The following AVEN variants were observed in gnomAD, a reference collection of about 807,000 sequenced individuals.
The protein encoded by AVEN is cell death regulator Aven.
AVEN carries 41 observed loss-of-function variants against 38.1 expected under a neutral mutation model. The ratio of observed to expected loss-of-function variants is 1.08; its 90% CI spans 0.84 to 1.40. The LOEUF is 1.40. Among genes scored for constraint, AVEN ranks in the 40% most tolerant of loss-of-function variants. The probability of loss-of-function intolerance (pLI) is 0.00; values close to 1 mark genes in which losing one functional copy is unlikely to be tolerated. For missense variants in AVEN, 605 were observed against 438.8 expected (o/e 1.38, Z -3.38); for synonymous variants, 206 against 171.8 (o/e 1.20, Z -1.56).
chr15:33,879,147 C>A (rs1229027775), intron 2 of AVEN, among the ~76,000 whole-genome samples: 2 of 151,594 alleles, frequency 1.3e-5, no homozygotes, highest in Non-Finnish European at 2.9e-5. Flanking sequence ...GACTTGGAAC[C>A]AACCCAAATG....
chr15:33,859,987 TACTCCTC>T (rs2080158516), intron 11 of AVEN, among the ~76,000 whole-genome samples: 1 of 152,150 alleles, frequency 6.6e-6, no homozygotes, highest in South Asian at 2.1e-4. Context: ...CTGAATTATT[TACTCCTC>T]ACTTCTGCTT....
chr15:33,974,734 A>T (rs1895806719), intron 2 of AVEN, among the ~76,000 whole-genome samples: 1 of 152,172 alleles, frequency 6.6e-6, no homozygotes, highest in African/African-American at 2.4e-5. Context: ...GCACTTTGGG[A>T]GGCCGAGGCA....
At chr15:33,887,994 C>G (rs1043228475) in intron 2 of AVEN, among the ~76,000 whole-genome samples, 1 of 152,028 alleles carries the variant, frequency 6.6e-6, no homozygotes, top group African/African-American at 2.4e-5. Flanking sequence ...TCAGGGAGAG[C>G]AGATGAGAAA....
chr15:34,063,566 G>T lies in AVEN; in HGVS notation n.1127-134C>A. On this transcript the variant is annotated intron_variant and non_coding_transcript_variant, in intron 4 of 11. Transcript: ENST00000675287. This position sits in a 1 kb window ranked among gnomAD's most constrained non-coding sequence, Gnocchi z 4.1. ...GCAGGAGCACCTCCACCACTGGGAA[G>T]CCATCCCAAGCCACTGGCCCAAGCG... is the stretch of plus-strand genomic sequence containing the variant. 6.2e-7 allele frequency: 1 copy of T among 1,613,634 alleles called. No homozygotes were observed. The highest frequency in any genetic ancestry group is 8.5e-7 in the Non-Finnish European group (1 of 1,180,018).
At position 33,997,230 on chromosome 15, in the gene AVEN, C is replaced by T. The variant is rs547715301; in HGVS notation, c.445+5802G>A. Among the ~76,000 whole-genome samples the T allele has an allele frequency of 3.9e-5, 6 of 152,242 alleles. No individual in the cohort carries two copies. In the East Asian group the frequency reaches 1.2e-3, roughly 29 times the overall value. On this transcript the variant is annotated intron_variant, in intron 2 of 5. Coordinates refer to ENST00000306730, the MANE Select transcript of AVEN (RefSeq NM_020371.3). ...AAATTTAAAACAATGCACTGAAAGACACACTATAGAAGTGAATCTCATATC... is the reference window on the plus strand; with the variant it reads ...AAATTTAAAACAATGCACTGAAAGATACACTATAGAAGTGAATCTCATATC...
At chr15:34,059,114 C>G (rs1900252863) in intron 5 of AVEN, among the ~76,000 whole-genome samples, 1 of 152,066 alleles carries the variant, frequency 6.6e-6, no homozygotes, top group East Asian at 1.9e-4. Flanking sequence ...CCAGGCTGGT[C>G]TCGAATTCCT....
downstream of AVEN, among the ~76,000 whole-genome samples, chr15:33,862,591 GATGAGTTTAAGTCAAAAAC>G (rs1297804455): frequency 2.6e-5 from 4 of 152,132 alleles, no homozygotes; most frequent in Non-Finnish European, 4.4e-5. Context: ...TTTGCTGGGG[GATGAGTTTAAGTCAAAAAC>G]ATGAGTTTTG....
chr15:33,970,548 A>G (rs1303607363), intron 2 of AVEN, among the ~76,000 whole-genome samples: 1 of 151,984 alleles, frequency 6.6e-6, no homozygotes, highest in Non-Finnish European at 1.5e-5. Context: ...TGAACCCTTA[A>G]GGGTTCTTTT....
At chr15:33,910,053 G>A (rs539408032) in intron 2 of AVEN, among the ~76,000 whole-genome samples, 7 of 151,610 alleles carry the variant, frequency 4.6e-5, no homozygotes, top group Non-Finnish European at 2.9e-5. Context: ...ACTTGAACCC[G>A]GGAGGTGGAG....
At chr15:33,901,344 A>G (rs577721353) in intron 2 of AVEN, among the ~76,000 whole-genome samples, 2 of 152,340 alleles carry the variant, frequency 1.3e-5, no homozygotes, top group Admixed American at 1.3e-4. Context: ...CACACACTAG[A>G]AGTCCACATA....
In AVEN at chr15:33,866,629, TCCAA is replaced by T. The variant is rs1890547293; in HGVS notation, c.1069_1072del (p.Leu357ThrfsTer3). The T allele has an allele frequency of 1.9e-6, 3 of 1,613,768 alleles. No individual in the cohort carries two copies. Among genetic ancestry groups the T allele is most frequent in the Non-Finnish European group, 1.7e-6 (2 of 1,179,798 alleles). On this transcript the variant is annotated frameshift_variant, in exon 6 of 6. Coordinates refer to ENST00000306730, the MANE Select transcript of AVEN (RefSeq NM_020371.3). LOFTEE classifies it high-confidence loss of function. The stretch of plus-strand genomic sequence containing the variant: ...TTCCCCTTTTTAGGAAATCATGCTG[TCCAA>T]CCAGTCTTCCAGCTCTTCCTCGGTA...
intron 2 of AVEN, among the ~76,000 whole-genome samples, chr15:33,931,095 CTTTT>C (rs1893824767): frequency 6.6e-6 from 1 of 151,732 alleles, no homozygotes; most frequent in Non-Finnish European, 1.5e-5. Context: ...TAGTACTTTT[CTTTT>C]GTCTTTTAGA....
At chr15:33,879,449 G>A (rs1891391865) in intron 2 of AVEN, among the ~76,000 whole-genome samples, 2 of 150,898 alleles carry the variant, frequency 1.3e-5, no homozygotes, top group Admixed American at 1.3e-4. Flanking sequence ...TATATCTAAT[G>A]CTAAATGACG....
intron 1 of AVEN, among the ~76,000 whole-genome samples, chr15:34,020,507 G>A (rs1158484683): frequency 6.6e-6 from 1 of 152,128 alleles, no homozygotes; most frequent in African/African-American, 2.4e-5. Flanking sequence ...ACCTATCCTT[G>A]TTAACTAAAG....
intron 2 of AVEN, among the ~76,000 whole-genome samples, chr15:33,986,666 G>GT (rs1053206530): frequency 6.0e-4 from 91 of 151,546 alleles, no homozygotes; most frequent in African/African-American, 1.7e-3. Context: ...TTTTGTTTTT[G>GT]TTTTTTTTGA....
intron 2 of AVEN, among the ~76,000 whole-genome samples, chr15:33,960,002 C>T (rs147407372): frequency 3.8e-4 from 58 of 152,298 alleles, no homozygotes; most frequent in African/African-American, 1.2e-3. Context: ...GGATTCGTGT[C>T]GGATGACTTG....
chr15:34,041,262 T>C (rs530285087), upstream of AVEN, among the ~76,000 whole-genome samples: 1 of 152,226 alleles, frequency 6.6e-6, no homozygotes, highest in South Asian at 2.1e-4. Flanking sequence ...TGAGAGGCAA[T>C]CACCCTGGAT....
At chr15:33,864,202 G>T (rs369233619), downstream of AVEN, 5 of 1,601,336 alleles carry the variant, frequency 3.1e-6, no homozygotes, top group South Asian at 4.5e-5. Flanking sequence ...GAGAAATTAA[G>T]AATCATATAC....
intron 2 of AVEN, among the ~76,000 whole-genome samples, chr15:33,904,694 A>AT (rs1555505832): frequency 1.2e-4 from 13 of 112,762 alleles, no homozygotes; most frequent in African/African-American, 3.8e-4. Flanking sequence ...AAAAAAAAAA[A>AT]ATATATATAT....
Sources: allele counts gnomAD v4.1 joint callset (sites outside exome capture counted in the v4.1 genomes callset), GRCh38; gene constraint gnomAD v4.1.1; non-coding constraint Gnocchi (gnomAD v3.1); transcripts MANE v1.5; gene names NCBI Gene and HGNC (gene_info 2026-07-23, HGNC 2026-07-21).